Variants in EREG observed in about 807,000 individuals in gnomAD.
EREG encodes proepiregulin.
In EREG, 23 loss-of-function variants were observed where a neutral mutation model predicts 22.4. The observed-to-expected ratio is 1.03, with a 90% CI of 0.74 to 1.46. The LOEUF (loss-of-function observed/expected upper bound fraction) is 1.46. EREG is among the 40% of genes most tolerant of loss of function. The pLI is 0.00. For missense variants in EREG, 226 were observed against 205.9 expected, an observed-to-expected ratio of 1.10 and a Z score of -0.60; for synonymous variants, 100 against 75.4, an observed-to-expected ratio of 1.33 and a Z score of -1.69.
chr4:74,368,581 A>C (rs969784506), intron 1 of EREG, among the ~76,000 whole-genome samples: 1 of 152,238 alleles, frequency 6.6e-6, no homozygotes, highest in Non-Finnish European at 1.5e-5. Flanking sequence ...ATACTCATAT[A>C]ATCACTTCGG....
chr4:74,377,526 T>C (rs1752402185), intron 1 of EREG, among the ~76,000 whole-genome samples: 1 of 152,362 alleles, frequency 6.6e-6, no homozygotes, highest in Non-Finnish European at 1.5e-5. Flanking sequence ...AAATTGGCCC[T>C]GAGAGGACTA....
chr4:74,365,393 G>A lies in EREG; in HGVS notation c.67+18G>A, dbSNP rs1752159694. 6.2e-7 allele frequency: 1 copy of A among 1,611,038 alleles called. No individual in the cohort carries two copies. The highest frequency in any genetic ancestry group is 1.1e-5 in the South Asian group (1 of 90,964). ...CTGCCTGGGTAAGTTCTCCCCCTCT[G>A]GCTTCCGGCCGCCCCAAAGAGGAGA... On this transcript the variant is annotated intron_variant, in intron 1 of 4. Coordinates refer to ENST00000244869, the MANE Select transcript of EREG (RefSeq NM_001432.3).
At chr4:74,370,950 A>G (rs749095992) in intron 1 of EREG, among the ~76,000 whole-genome samples, 8 of 152,174 alleles carry the variant, frequency 5.3e-5, no homozygotes, top group Non-Finnish European at 5.9e-5. Flanking sequence ...CTCAGTTGAC[A>G]TTAGGGACTA....
chr4:74,372,529 C>A lies in EREG; in HGVS notation c.68-6919C>A, dbSNP rs185873431. Among the ~76,000 whole-genome samples, 601 of 152,228 alleles carry A rather than the reference C, an allele frequency of 3.9e-3. 1 individual carries two copies. The highest frequency in any genetic ancestry group is 6.7e-3 in the Non-Finnish European group (457 of 68,032). On this transcript the variant is annotated intron_variant, in intron 1 of 4. Coordinates refer to ENST00000244869, the MANE Select transcript of EREG (RefSeq NM_001432.3). ...CAGACACTTATAGTCCAAACTGTTG[C>A]GCCTTCAGGAGATGTTTCTTTTGGA...
chr4:74,383,351 A>G (rs1460674257), intron 4 of EREG, among the ~76,000 whole-genome samples: 1 of 152,184 alleles, frequency 6.6e-6, no homozygotes, highest in Non-Finnish European at 1.5e-5. Context: ...ACAACCTTGT[A>G]AATTAATAAC....
At chr4:74,375,786 G>A (rs879592724) in intron 1 of EREG, among the ~76,000 whole-genome samples, 9 of 152,178 alleles carry the variant, frequency 5.9e-5, no homozygotes, top group Non-Finnish European at 7.3e-5. Flanking sequence ...CTATTTTAAA[G>A]CAATAGTGCT....
intron 4 of EREG, among the ~76,000 whole-genome samples, chr4:74,383,432 G>T (rs1752513229): frequency 6.6e-6 from 1 of 152,046 alleles, no homozygotes; most frequent in Non-Finnish European, 1.5e-5. Flanking sequence ...TATAAAAAAT[G>T]GTTGTTAAAA....
Position 74,381,056 on chromosome 4 carries a change from C to A in EREG, c.197C>A (p.Thr66Lys). 4 of 1,613,630 alleles carry A rather than the reference C, an allele frequency of 2.5e-6. No homozygotes were observed. Among genetic ancestry groups the A allele is most frequent in the Non-Finnish European group, 3.4e-6 (4 of 1,179,718 alleles). Residue 66 changes from threonine to lysine, a missense_variant, in exon 3 of 5, where the codon ACA becomes AAA. Physicochemically the swap from Thr to Lys is moderately conservative, Grantham distance 78. Coordinates refer to ENST00000244869, the MANE Select transcript of EREG (RefSeq NM_001432.3). ...DNPRVAQVSI[T>K]KCSSDMNGYC... ...CCACGTGTGGCTCAAGTGTCAATAACAAAGTGTAGCTCTGACATGAATGGC... is the reference window on the plus strand; with the variant it reads ...CCACGTGTGGCTCAAGTGTCAATAAAAAAGTGTAGCTCTGACATGAATGGC...
At chr4:74,377,520 TG>T (rs1752402147) in intron 1 of EREG, among the ~76,000 whole-genome samples, 1 of 152,226 alleles carries the variant, frequency 6.6e-6, no homozygotes, top group Non-Finnish European at 1.5e-5. Flanking sequence ...TTCCTCAAAT[TG>T]GCCCTGAGAG....
intron 4 of EREG, among the ~76,000 whole-genome samples, chr4:74,383,854 A>C (rs1479669250): frequency 2.0e-5 from 3 of 152,156 alleles, no homozygotes; most frequent in Non-Finnish European, 4.4e-5. Flanking sequence ...TATGCCTGCA[A>C]ATCTTTGACC....
At chr4:74,382,960 G>A (rs775655668) in intron 4 of EREG, among the ~76,000 whole-genome samples, 166 bp downstream of exon 4, 36 of 152,158 alleles carry the variant, frequency 2.4e-4, no homozygotes, top group Non-Finnish European at 4.7e-4. Context: ...CCCAACACCT[G>A]AGTGATGGGA....
rs927568736 is a variant in EREG, at chr4:74,369,989, T to C, written c.67+4614T>C. On this transcript the variant is annotated intron_variant, in intron 1 of 4. Transcript: ENST00000244869. ...TCATTTAGTTCTTAGGATGCCTTTT[T>C]AGCCCAGAAAGTTGTTATTGTTCCC... Among the ~76,000 whole-genome samples the C allele has an allele frequency of 6.6e-5, 10 of 152,350 alleles. No individual in the cohort carries two copies. The East Asian group carries it at 1.7e-3, about 26-fold the overall frequency.
rs1162381454 is a variant in EREG, at chr4:74,365,171, G to A, written c.-138G>A. Reference sequence around the variant, plus strand: ...CTTGCCTGATATTTCCAGTGTCAGAGGGACACAGCCAACGTGGGGTCCCTT... The same window carrying A: ...CTTGCCTGATATTTCCAGTGTCAGAAGGACACAGCCAACGTGGGGTCCCTT... On this transcript the variant is annotated 5_prime_UTR_variant, in exon 1 of 5. Transcript: ENST00000244869. The A allele has an allele frequency of 6.0e-6, 4 of 667,056 alleles. No individual in the cohort carries two copies. The highest frequency in any genetic ancestry group is 1.1e-5 in the Non-Finnish European group (4 of 376,380). 41.3% of individuals were successfully genotyped at this position (667,056 alleles called of 1,614,324 possible).
intron 1 of EREG, among the ~76,000 whole-genome samples, chr4:74,376,132 A>G (rs1752378989): frequency 1.3e-5 from 2 of 152,182 alleles, no homozygotes; most frequent in Non-Finnish European, 2.9e-5. Context: ...ACTAACAACT[A>G]CTAAAAACCT....
intron 1 of EREG, among the ~76,000 whole-genome samples, chr4:74,377,979 A>G (rs142367937): frequency 4.0e-4 from 61 of 152,334 alleles, no homozygotes; most frequent in African/African-American, 1.5e-3. Flanking sequence ...TACATAGTAC[A>G]TGTTCAAGAG....
At chr4:74,368,635 T>C (rs1310776441) in intron 1 of EREG, among the ~76,000 whole-genome samples, 1 of 152,222 alleles carries the variant, frequency 6.6e-6, no homozygotes, top group African/African-American at 2.4e-5. Flanking sequence ...TGCAAAAGAA[T>C]CTCCCATTTC....
chr4:74,376,740 A>C (rs759930885), intron 1 of EREG, among the ~76,000 whole-genome samples: 12 of 152,210 alleles, frequency 7.9e-5, no homozygotes, highest in Admixed American at 5.2e-4. Context: ...TTGTTGAAGA[A>C]CAGGAGACTT....
chr4:74,378,564 A>G (rs1418578370), intron 1 of EREG, among the ~76,000 whole-genome samples: 1 of 152,016 alleles, frequency 6.6e-6, no homozygotes, highest in African/African-American at 2.4e-5. Flanking sequence ...AATTGCTGCT[A>G]CTACTACTAC....
At chr4:74,367,889 G>C (rs1752214095) in intron 1 of EREG, among the ~76,000 whole-genome samples, 1 of 152,212 alleles carries the variant, frequency 6.6e-6, no homozygotes, top group Admixed American at 6.5e-5. Context: ...CAGGAGTTGA[G>C]AAGAAAACTA....
Sources: allele counts gnomAD v4.1 joint callset (sites outside exome capture counted in the v4.1 genomes callset), GRCh38; gene constraint gnomAD v4.1.1; transcripts MANE v1.5; gene names NCBI Gene and HGNC (gene_info 2026-07-23, HGNC 2026-07-21).